ANK2: variants seen among roughly 807,000 people sequenced by gnomAD.
ANK2 encodes the protein ankyrin-2.
Under a neutral mutation model 360.5 loss-of-function variants are expected in ANK2, and 83 were observed. The ratio of observed to expected loss-of-function variants is 0.23; its 90% CI spans 0.19 to 0.28. The LOEUF (loss-of-function observed/expected upper bound fraction) is 0.28. ANK2 is among the 10% of genes least tolerant of loss of function. ANK2 has a pLI of 1.00. For missense variants in ANK2, 4,201 were observed against 4,795.7 expected, an observed-to-expected ratio of 0.88 and a Z score of 3.66; for synonymous variants, 1,740 against 1,759.5, an observed-to-expected ratio of 0.99 and a Z score of 0.28.
intron 1 of ANK2, among the ~76,000 whole-genome samples, chr4:112,898,463 T>G (rs575537475): frequency 7.9e-5 from 12 of 152,288 alleles, no homozygotes; most frequent in Admixed American, 3.3e-4. Flanking sequence ...ATAATTAGAC[T>G]GGATTACATG....
chr4:112,938,377 A>T (rs918195448), intron 2 of ANK2, among the ~76,000 whole-genome samples: 1 of 152,134 alleles, frequency 6.6e-6, no homozygotes, highest in Admixed American at 6.5e-5. Context: ...ATTTCTTTTC[A>T]GGAGTTCTGT....
intron 1 of ANK2, among the ~76,000 whole-genome samples, chr4:113,162,737 T>G (rs995666929): frequency 2.5e-4 from 37 of 148,254 alleles, no homozygotes; most frequent in African/African-American, 8.7e-4. Flanking sequence ...AAAGGTTTTT[T>G]TTTTTTTTTT....
chr4:113,182,061 A>G (rs2098427129), intron 2 of ANK2, among the ~76,000 whole-genome samples: 1 of 152,206 alleles, frequency 6.6e-6, no homozygotes. Flanking sequence ...GTTTTACAGT[A>G]GAGCAACAGG....
chr4:113,292,626 C>T (rs1390589956), intron 21 of ANK2, 112 bp downstream of exon 21: 20 of 1,179,062 alleles, frequency 1.7e-5, no homozygotes, highest in Non-Finnish European at 2.3e-5. Flanking sequence ...AAATAAGCCC[C>T]CTGGACTCTG....
At chr4:113,377,143 A>G (rs1422248033) in intron 45 of ANK2, among the ~76,000 whole-genome samples, 1 of 152,186 alleles carries the variant, frequency 6.6e-6, no homozygotes, top group African/African-American at 2.4e-5. Flanking sequence ...TACTATACAT[A>G]GTAAATGTAT....
chr4:112,986,447 T>C (rs184804564), intron 2 of ANK2, among the ~76,000 whole-genome samples: 1 of 152,214 alleles, frequency 6.6e-6, no homozygotes, highest in African/African-American at 2.4e-5. Context: ...CAGAGGGTTT[T>C]TGTTTGTTTG....
At chr4:112,999,412 G>C (rs1363688666) in intron 2 of ANK2, among the ~76,000 whole-genome samples, 3 of 152,110 alleles carry the variant, frequency 2.0e-5, no homozygotes, top group Non-Finnish European at 4.4e-5. Context: ...AGATCAGAGA[G>C]ATTAAATCAC....
chr4:112,739,861 A>G, the ANK2 span, among the ~76,000 whole-genome samples: 1 of 152,002 alleles, frequency 6.6e-6, no homozygotes, highest in South Asian at 2.1e-4. Context: ...AAAATACAAA[A>G]ATTAGCCAGT....
At chr4:113,345,194 C>G (rs964612636) in intron 34 of ANK2, among the ~76,000 whole-genome samples, 4 of 152,096 alleles carry the variant, frequency 2.6e-5, no homozygotes, top group African/African-American at 9.7e-5. Context: ...AAGCCAGACA[C>G]AAATACTATA....
At chr4:113,164,816 C>G (rs962311949) in intron 1 of ANK2, among the ~76,000 whole-genome samples, 1 of 152,070 alleles carries the variant, frequency 6.6e-6, no homozygotes, top group African/African-American at 2.4e-5. Context: ...GGGATGAGCT[C>G]TAATATATCT....
chr4:113,132,120 A>G (rs182169766), intron 1 of ANK2, among the ~76,000 whole-genome samples: 2 of 152,292 alleles, frequency 1.3e-5, no homozygotes, highest in African/African-American at 4.8e-5. Context: ...CATATGGTGT[A>G]ATGCCACTTG....
chr4:112,775,145 TAA>T, the ANK2 span, among the ~76,000 whole-genome samples: 7 of 152,092 alleles, frequency 4.6e-5, no homozygotes, highest in Non-Finnish European at 1.0e-4. Context: ...GAGTAGGGCA[TAA>T]AGAGATGTGC....
intron 1 of ANK2, chr4:113,173,878 C>T (rs1378730743): frequency 6.3e-6 from 1 of 158,826 alleles, no homozygotes; most frequent in African/African-American, 2.4e-5. Flanking sequence ...CTCAAAGCAC[C>T]CTCGGAGCTT....
At chr4:113,049,217 T>C (rs2065859394), upstream of ANK2, among the ~76,000 whole-genome samples, 1 of 152,188 alleles carries the variant, frequency 6.6e-6, no homozygotes, top group African/African-American at 2.4e-5. Context: ...CATAGCTTTC[T>C]TATATTCACT....
the ANK2 span, among the ~76,000 whole-genome samples, chr4:112,722,681 G>GT: frequency 6.6e-6 from 1 of 152,194 alleles, no homozygotes; most frequent in African/African-American, 2.4e-5. Flanking sequence ...GGTGTCAGGT[G>GT]GTGGCAAAAG....
At chr4:113,359,392 T>C in intron 38 of ANK2, 93 bp downstream of exon 38, 1 of 1,536,292 alleles carries the variant, frequency 6.5e-7, no homozygotes, top group Non-Finnish European at 8.8e-7. Flanking sequence ...GATTTGTGTC[T>C]CATTTTCTTT....
the ANK2 span, chr4:112,797,439 C>A: frequency 6.4e-6 from 1 of 157,014 alleles, no homozygotes; most frequent in Non-Finnish European, 1.5e-5. Context: ...TTCCAACTCC[C>A]GTAAGACTCC....
intron 26 of ANK2, among the ~76,000 whole-genome samples, chr4:113,329,314 A>G (rs1266091968): frequency 6.6e-6 from 1 of 152,228 alleles, no homozygotes; most frequent in Non-Finnish European, 1.5e-5. Flanking sequence ...TTCAAAGTTA[A>G]GACAAACCCG....
At position 113,354,211 on chromosome 4, in the gene ANK2, A is replaced by G. The variant is rs920242203; in HGVS notation, c.5593A>G (p.Arg1865Gly). 1 of 1,614,088 alleles carries G rather than the reference A, an allele frequency of 6.2e-7. No individual in the cohort carries two copies. The highest frequency in any genetic ancestry group is 8.5e-7 in the Non-Finnish European group (1 of 1,179,948). The change falls in exon 38 of 46, where the codon AGA becomes GGA. Residue 1865 changes from arginine to glycine, a missense_variant. Physicochemically the swap from Arg to Gly is moderately radical, Grantham distance 125. Coordinates refer to ENST00000357077, the MANE Select transcript of ANK2 (RefSeq NM_001148.6). Reference protein sequence around the residue: ...SPVSPSAKTERHSPASSSSKT... With the variant: ...SPVSPSAKTEGHSPASSSSKT... ...TGTGTCACCCTCTGCAAAAACGGAA[A>G]GACATTCACCTGCGTCATCATCGAG... is the stretch of plus-strand genomic sequence containing the variant.
Sources: gnomAD v4.1 joint callset for allele counts (sites outside exome capture counted in the v4.1 genomes callset) on GRCh38, gnomAD v4.1.1 for gene constraint, MANE v1.5 for transcripts, NCBI Gene and HGNC (gene_info 2026-07-23, HGNC 2026-07-21) for gene names.